EBF4: variants seen among roughly 807,000 people sequenced by gnomAD.
EBF4 encodes EBF transcription factor 4, also known as transcription factor COE4.
Under a neutral mutation model 67.1 loss-of-function variants are expected in EBF4, and 34 were observed. The ratio of observed to expected loss-of-function variants is 0.51; its 90% CI spans 0.39 to 0.67. EBF4 has a LOEUF of 0.67. Among genes scored for constraint, EBF4 ranks in the 30% least tolerant of loss-of-function variants. The pLI, the probability that EBF4 is intolerant of heterozygous loss-of-function variation, is 0.00. For missense variants in EBF4, 837 were observed against 873.3 expected (o/e 0.96, Z 0.52); for synonymous variants, 387 against 377.7 (o/e 1.02, Z -0.29).
At chr20:2,727,527 A>C (rs1359830202) in intron 6 of EBF4, among the ~76,000 whole-genome samples, 2 of 152,228 alleles carry the variant, frequency 1.3e-5, no homozygotes, top group Non-Finnish European at 2.9e-5. Context: ...GGTTAAAATA[A>C]ATCCACATAT....
rs577184256 is a variant in EBF4, at chr20:2,749,688, G to A, written c.826G>A (p.Val276Ile). 7.0e-6 allele frequency: 11 copies of A among 1,565,362 alleles called. No homozygotes were observed. In the African/African-American group the frequency reaches 9.5e-5, roughly 14 times the overall value. ...GACCACGGGCGGCGCCACCGTCATT[G>A]TCATCGGCGACAACTTCTTCGACGG... Residue 276 changes from valine to isoleucine, a missense_variant, in exon 9 of 17, where the codon GTC becomes ATC. By Grantham distance (29) the Val-to-Ile change is conservative. This residue lies in a region of EBF4 where 525 missense variants were observed against 496.5 expected (regional missense o/e 1.06). Transcript: ENST00000609451.
intron 6 of EBF4, among the ~76,000 whole-genome samples, chr20:2,716,084 A>C (rs993319000): frequency 1.3e-5 from 2 of 151,884 alleles, no homozygotes; most frequent in East Asian, 1.9e-4. Flanking sequence ...CTTGCCAGGC[A>C]CAATAGCTCA....
intron 6 of EBF4, among the ~76,000 whole-genome samples, chr20:2,737,219 C>A (rs35700721): frequency 2.4e-4 from 34 of 141,286 alleles, no homozygotes; most frequent in African/African-American, 8.9e-4. Context: ...CACTGCACTC[C>A]AGCTTGGGTA....
At chr20:2,758,838 CAGAG>C (rs2088281763) in intron 15 of EBF4, 67 bp from the exon 16 acceptor site, 1 of 1,370,352 alleles carries the variant, frequency 7.3e-7, no homozygotes. Context: ...GTCTCCAGCC[CAGAG>C]AGTGACAGGC....
chr20:2,701,950 G>A (rs536099594), intron 1 of EBF4, among the ~76,000 whole-genome samples: 1 of 152,192 alleles, frequency 6.6e-6, no homozygotes, highest in Admixed American at 6.5e-5. Context: ...TCAGGGCCCC[G>A]CTGTGATCGA....
At chr20:2,709,781 G>C in intron 6 of EBF4, 139 bp downstream of exon 6, 1 of 862,282 alleles carries the variant, frequency 1.2e-6, no homozygotes, top group Non-Finnish European at 1.6e-6. Context: ...TCTGAGCAGA[G>C]AGGGAAACTG....
chr20:2,745,222 G>T lies in EBF4; in HGVS notation c.558-3327G>T, dbSNP rs1388265292. On this transcript the variant is annotated intron_variant, in intron 6 of 16. Transcript: ENST00000609451. This position sits in a 1 kb window ranked among gnomAD's most constrained non-coding sequence, Gnocchi z 5.2. ...GTCTCAGGTGACGCTGACGCTGCTG[G>T]TCTTAGGGGGTGGTGCAGGCTCTCT... is the stretch of plus-strand genomic sequence containing the variant. Among the ~76,000 whole-genome samples, 3 of 152,206 alleles carry T rather than the reference G, an allele frequency of 2.0e-5. No individual in the cohort carries two copies. The highest frequency in any genetic ancestry group is 4.4e-5 in the Non-Finnish European group (3 of 68,030).
rs1425957761 is a variant in EBF4 at position 2,755,584 on chromosome 20, C to A, written c.1541-43C>A. The stretch of plus-strand genomic sequence containing the variant: ...GCTGTCTCCCTGTTGTGTCTCCCAC[C>A]ACCTTCCCTGCTGCGCCTGCCCCTC... On this transcript the variant is annotated intron_variant, in intron 14 of 16. Transcript: ENST00000609451. This position sits in a 1 kb window ranked among gnomAD's most constrained non-coding sequence, Gnocchi z 4.7. 7 of 1,008,514 alleles carry A rather than the reference C, an allele frequency of 6.9e-6. No individual in the cohort carries two copies. In the Admixed American group the frequency reaches 1.4e-4, roughly 20 times the overall value. The allele number at this position is 1,008,514 out of a possible 1,614,324, so 62.5% of individuals were successfully genotyped here. A position where few individuals can be genotyped will look rare whatever the true frequency, so the allele number is the denominator to read the frequency against.
chr20:2,710,190 C>G (rs1048893942), intron 6 of EBF4, among the ~76,000 whole-genome samples: 5 of 152,086 alleles, frequency 3.3e-5, no homozygotes, highest in African/African-American at 1.2e-4. Flanking sequence ...GTTTTGTCGC[C>G]CAGGCTAAAG....
intron 6 of EBF4, among the ~76,000 whole-genome samples, chr20:2,710,988 A>T (rs559214370): frequency 6.6e-6 from 1 of 151,966 alleles, no homozygotes; most frequent in Admixed American, 6.6e-5. Flanking sequence ...CAAAAAATAC[A>T]CACACAAAAA....
At chr20:2,706,420 G>T (rs192858784) in intron 4 of EBF4, among the ~76,000 whole-genome samples, 156 bp downstream of exon 4, 1 of 152,132 alleles carries the variant, frequency 6.6e-6, no homozygotes, top group African/African-American at 2.4e-5. Context: ...AGCCTGTGCC[G>T]GAGGGTGTGT....
chr20:2,754,729 G>C (rs2088209522), intron 14 of EBF4, among the ~76,000 whole-genome samples: 1 of 152,146 alleles, frequency 6.6e-6, no homozygotes, highest in South Asian at 2.1e-4. Flanking sequence ...AGGGAATTGG[G>C]TTCAGATGAG....
chr20:2,752,615 C>T, intron 14 of EBF4, 70 bp downstream of exon 14: 2 of 1,175,612 alleles, frequency 1.7e-6, no homozygotes, highest in Non-Finnish European at 2.1e-6. Flanking sequence ...CCCGCCCCCG[C>T]CCATCCCGGA....
At chr20:2,699,353 A>G (rs1040408877) in intron 1 of EBF4, among the ~76,000 whole-genome samples, 2 of 152,234 alleles carry the variant, frequency 1.3e-5, no homozygotes, top group African/African-American at 2.4e-5. Flanking sequence ...ACTACAAAGC[A>G]TGTTGACTCT....
chr20:2,729,682 A>G (rs1402157190), intron 6 of EBF4, among the ~76,000 whole-genome samples: 1 of 152,236 alleles, frequency 6.6e-6, no homozygotes, highest in Non-Finnish European at 1.5e-5. Flanking sequence ...TAGGTGGTCC[A>G]GCAGCTACAT....
At chr20:2,705,712 C>G in exon 2 of EBF4, 1 of 1,545,548 alleles carries the variant, frequency 6.5e-7, no homozygotes, top group Non-Finnish European at 8.7e-7. Context: ...CAGCCTTCAT[C>G]GACTTCGTGG....
intron 15 of EBF4, among the ~76,000 whole-genome samples, chr20:2,757,091 C>T (rs1171089224): frequency 2.0e-5 from 3 of 152,122 alleles, no homozygotes; most frequent in Non-Finnish European, 2.9e-5. Flanking sequence ...GAACCATCTC[C>T]AAATCCAAGG....
Position 2,709,554 on chromosome 20 carries a change from CT to C in EBF4, c.489-18del. 1 of 1,544,678 alleles carries C rather than the reference CT, an allele frequency of 6.5e-7. No individual in the cohort carries two copies. The highest frequency in any genetic ancestry group is 2.5e-5 in the East Asian group (1 of 40,804). ...CCTTCCTTGGCTTCTGCCTTCCCTC[CT>C]TCCTCATCTTTCCTTCAGCCGGTGC... On this transcript the variant is annotated intron_variant, in intron 5 of 16. Coordinates refer to ENST00000609451, the Ensembl canonical transcript of EBF4.
At chr20:2,748,453 T>C in intron 6 of EBF4, 96 bp from the exon 7 acceptor site, 1 of 1,193,692 alleles carries the variant, frequency 8.4e-7, no homozygotes, top group South Asian at 1.4e-5. Flanking sequence ...CAGAGGGGAC[T>C]CATCCTGTGG....
Sources: gnomAD v4.1 joint callset for allele counts (sites outside exome capture counted in the v4.1 genomes callset) on GRCh38, gnomAD v4.1.1 for gene constraint, gnomAD v4.1.1 regional missense constraint, Gnocchi (gnomAD v3.1) non-coding constraint, MANE v1.5 for transcripts, NCBI Gene and HGNC (gene_info 2026-07-23, HGNC 2026-07-21) for gene names.